The following NUP210L variants were observed in gnomAD, a reference collection of about 807,000 sequenced individuals.
NUP210L encodes the protein nuclear pore membrane glycoprotein 210-like.
Under a neutral mutation model 208.5 loss-of-function variants are expected in NUP210L, and 74 were observed. That is an observed-to-expected ratio of 0.35 (90% CI 0.29 to 0.43). NUP210L has a LOEUF of 0.43. Among genes scored for constraint, NUP210L ranks in the 20% least tolerant of loss-of-function variants. NUP210L has a pLI of 1.00. For synonymous variants in NUP210L, 780 were observed against 816.9 expected (o/e 0.95, Z 0.77); for missense variants, 1,843 against 2,289.4 (o/e 0.81, Z 3.98).
At chr1:154,066,217 T>C (rs541585186) in intron 17 of NUP210L, among the ~76,000 whole-genome samples, 2 of 152,110 alleles carry the variant, frequency 1.3e-5, no homozygotes, top group Non-Finnish European at 2.9e-5. Context: ...TTGAAAGAAC[T>C]AAAGAAGCAA....
chr1:154,113,173 T>TAC (rs1158778129), intron 12 of NUP210L, among the ~76,000 whole-genome samples: 3 of 146,960 alleles, frequency 2.0e-5, no homozygotes, highest in Admixed American at 1.4e-4. Flanking sequence ...AAAAAATATA[T>TAC]ATATATATAT....
chr1:154,043,666 G>A (rs543297603), intron 27 of NUP210L, among the ~76,000 whole-genome samples: 11 of 142,590 alleles, frequency 7.7e-5, no homozygotes, highest in South Asian at 2.2e-4. Flanking sequence ...TCACTTTGTC[G>A]CCCAGGCTGG....
intron 16 of NUP210L, among the ~76,000 whole-genome samples, chr1:154,088,827 G>T (rs967856164): frequency 6.6e-6 from 1 of 152,000 alleles, no homozygotes; most frequent in African/African-American, 2.4e-5. Flanking sequence ...CCCAAGCTTG[G>T]ACCTGTACTC....
At chr1:154,153,378 C>T (rs1188554088) in intron 1 of NUP210L, among the ~76,000 whole-genome samples, 2 of 152,296 alleles carry the variant, frequency 1.3e-5, no homozygotes, top group African/African-American at 4.8e-5. Context: ...AGGGCGATCT[C>T]AGCTCACTGC....
At chr1:153,995,545 TCAAAGGATGCTTTAA>T in intron 37 of NUP210L, 1 of 657,958 alleles carries the variant, frequency 1.5e-6, no homozygotes, top group Non-Finnish European at 2.8e-6. Flanking sequence ...CTCTTAGATT[TCAAAGGATGCTTTAA>T]ATCCTCTGCT....
chr1:154,114,785 G>C (rs999549368), intron 12 of NUP210L, among the ~76,000 whole-genome samples: 6 of 151,304 alleles, frequency 4.0e-5, no homozygotes, highest in Non-Finnish European at 5.9e-5. Context: ...AGATGGGGGG[G>C]GGGGTCTTGC....
intron 16 of NUP210L, among the ~76,000 whole-genome samples, chr1:154,083,653 T>A (rs1655472128): frequency 6.6e-6 from 1 of 152,054 alleles, no homozygotes; most frequent in Non-Finnish European, 1.5e-5. Context: ...ACCCATACGT[T>A]TGGTTACAGA....
At chr1:154,083,178 C>T (rs1345965089) in intron 16 of NUP210L, among the ~76,000 whole-genome samples, 1 of 152,166 alleles carries the variant, frequency 6.6e-6, no homozygotes, top group Non-Finnish European at 1.5e-5. Context: ...TTTGGCCCCG[C>T]CCACATCCTG....
intron 25 of NUP210L, among the ~76,000 whole-genome samples, chr1:154,053,835 CTA>C (rs1354710249): frequency 6.6e-6 from 1 of 152,208 alleles, no homozygotes; most frequent in Non-Finnish European, 1.5e-5. Flanking sequence ...ACTCCACACT[CTA>C]TATTTCTGTG....
At chr1:154,153,110 G>T (rs1325278652) in intron 1 of NUP210L, among the ~76,000 whole-genome samples, 3 of 151,922 alleles carry the variant, frequency 2.0e-5, no homozygotes, top group Non-Finnish European at 4.4e-5. Flanking sequence ...TTTTTTAAAA[G>T]ATTTTTATAT....
At chr1:154,092,630 A>G (rs1051070337) in intron 15 of NUP210L, among the ~76,000 whole-genome samples, 5 of 147,808 alleles carry the variant, frequency 3.4e-5, no homozygotes, top group Non-Finnish European at 4.5e-5. Flanking sequence ...CAAATGATCC[A>G]CCTGCCTCAG....
chr1:154,118,928 T>C (rs936647165), intron 10 of NUP210L, 120 bp from the exon 11 acceptor site: 7 of 498,232 alleles, frequency 1.4e-5, no homozygotes, highest in East Asian at 3.0e-5. Flanking sequence ...CCAGTTTCTA[T>C]CTATAAAAGA....
At position 154,134,160 on chromosome 1, in the gene NUP210L, AT is replaced by A. The variant is rs201417344; in HGVS notation, c.1009+1653del. Reference sequence around the variant, plus strand: ...AGCAAAACTCCACCTCAAAAAAAAAATAATAATAATAATAATAATATTTTAA... The same window carrying A: ...AGCAAAACTCCACCTCAAAAAAAAAAAATAATAATAATAATAATATTTTAA... On this transcript the variant is annotated intron_variant, in intron 7 of 39. Coordinates refer to ENST00000368559, the Ensembl canonical transcript of NUP210L. Among the ~76,000 whole-genome samples the A allele has an allele frequency of 8.9e-3, 1,298 of 146,058 alleles. 10 individuals are homozygous for A. Among genetic ancestry groups the A allele is most frequent in the African/African-American group, 0.016 (649 of 39,536 alleles).
intron 7 of NUP210L, 86 bp from the exon 8 acceptor site, chr1:154,129,431 A>C: frequency 7.2e-6 from 6 of 832,844 alleles, no homozygotes; most frequent in Non-Finnish European, 8.0e-6. Flanking sequence ...AAACAAACAA[A>C]TGCACAAATG....
intron 12 of NUP210L, among the ~76,000 whole-genome samples, chr1:154,117,350 G>A (rs1657381945): frequency 6.6e-6 from 1 of 152,160 alleles, no homozygotes; most frequent in South Asian, 2.1e-4. Context: ...GGAGGCCGAG[G>A]CAGGCAGATC....
At position 154,055,413 on chromosome 1, in the gene NUP210L, G is replaced by A. The variant is rs191486923; in HGVS notation, c.3241-581C>T. 8.1e-3 allele frequency among the ~76,000 whole-genome samples: 1,232 copies of A among 152,020 alleles called. 12 individuals are homozygous for A. The highest frequency in any genetic ancestry group is 0.012 in the Non-Finnish European group (839 of 67,976). ...TTTCAGGCACCTGCCACCATGCCCA[G>A]CTAATATTTTGTATCTTAGTAGAGA... On this transcript the variant is annotated intron_variant, in intron 23 of 39. Coordinates refer to ENST00000368559, the Ensembl canonical transcript of NUP210L.
At chr1:154,091,219 C>T (rs961198801) in intron 15 of NUP210L, among the ~76,000 whole-genome samples, 2 of 151,410 alleles carry the variant, frequency 1.3e-5, no homozygotes, top group African/African-American at 4.8e-5. Flanking sequence ...ACTCATCCTC[C>T]TGAGTAGCTA....
intron 27 of NUP210L, among the ~76,000 whole-genome samples, chr1:154,032,069 G>GTA (rs1652259979): frequency 6.6e-6 from 1 of 152,042 alleles, no homozygotes; most frequent in Non-Finnish European, 1.5e-5. Context: ...ACTCCATTGT[G>GTA]TATATACACC....
At chr1:154,096,855 C>A (rs1297512021) in intron 14 of NUP210L, among the ~76,000 whole-genome samples, 1 of 150,994 alleles carries the variant, frequency 6.6e-6, no homozygotes, top group Admixed American at 6.6e-5. Context: ...CCAAGGCAGG[C>A]GGATCCCTTG....
Sources: allele counts gnomAD v4.1 joint callset (sites outside exome capture counted in the v4.1 genomes callset), GRCh38; gene constraint gnomAD v4.1.1; transcripts MANE v1.5; gene names NCBI Gene and HGNC (gene_info 2026-07-23, HGNC 2026-07-21).